ORC3: variants seen among roughly 807,000 people sequenced by gnomAD.
ORC3 encodes the protein origin recognition complex subunit 3, also known as homolog of latheo, Drosophila.
ORC3 carries 78 observed loss-of-function variants against 100.7 expected under a neutral mutation model. That is an observed-to-expected ratio of 0.77 (90% CI 0.65 to 0.94). The LOEUF is 0.94. Among genes scored for constraint, ORC3 ranks in the 40% least tolerant of loss-of-function variants. The probability of loss-of-function intolerance (pLI) is 0.00; values close to 1 mark genes in which losing one functional copy is unlikely to be tolerated. For synonymous variants in ORC3, 295 were observed against 289.3 expected, an observed-to-expected ratio of 1.02 and a Z score of -0.20; for missense variants, 789 against 823.9, an observed-to-expected ratio of 0.96 and a Z score of 0.52.
At chr6:87,656,107 C>T (rs1045492835) in intron 14 of ORC3, among the ~76,000 whole-genome samples, 1 of 152,168 alleles carries the variant, frequency 6.6e-6, no homozygotes, top group African/African-American at 2.4e-5. Context: ...TACATTTAAG[C>T]AGTTATGGTT....
At chr6:87,662,095 T>G (rs1435794942) in intron 16 of ORC3, among the ~76,000 whole-genome samples, 2 of 152,194 alleles carry the variant, frequency 1.3e-5, no homozygotes, top group African/African-American at 4.8e-5. Flanking sequence ...ATTTAGTCTT[T>G]TCTGCCTTCT....
At chr6:87,649,987 A>C (rs1220547338) in intron 13 of ORC3, among the ~76,000 whole-genome samples, 1 of 150,324 alleles carries the variant, frequency 6.7e-6, no homozygotes, top group Non-Finnish European at 1.5e-5. Flanking sequence ...TTAATATAAG[A>C]TATTGATTAC....
At chr6:87,671,504 G>A (rs1426029059), downstream of ORC3, among the ~76,000 whole-genome samples, 1 of 151,900 alleles carries the variant, frequency 6.6e-6, no homozygotes, top group Non-Finnish European at 1.5e-5. Context: ...ACATGAAGAC[G>A]TTAATATAAT....
intron 8 of ORC3, among the ~76,000 whole-genome samples, chr6:87,614,345 G>A (rs1380311678): frequency 1.3e-5 from 2 of 152,154 alleles, no homozygotes; most frequent in Non-Finnish European, 2.9e-5. Flanking sequence ...CCGTGAAATC[G>A]CTTTTGCCTC....
chr6:87,617,992 A>G (rs1307467102), intron 9 of ORC3, among the ~76,000 whole-genome samples: 2 of 152,240 alleles, frequency 1.3e-5, no homozygotes, highest in Admixed American at 1.3e-4. Context: ...GTAGAATTAA[A>G]TGATATTAAG....
At chr6:87,645,558 A>G (rs937938734) in intron 13 of ORC3, among the ~76,000 whole-genome samples, 5 of 152,070 alleles carry the variant, frequency 3.3e-5, no homozygotes, top group Non-Finnish European at 5.9e-5. Flanking sequence ...TCATTGATAT[A>G]TATACATTTG....
chr6:87,649,473 C>T (rs547600960), intron 13 of ORC3, among the ~76,000 whole-genome samples: 4 of 152,314 alleles, frequency 2.6e-5, no homozygotes, highest in Middle Eastern at 3.4e-3. Context: ...TACGGCCAGG[C>T]GCCATGGCTC....
chr6:87,661,928 C>T (rs1336217606), intron 16 of ORC3, among the ~76,000 whole-genome samples: 1 of 152,216 alleles, frequency 6.6e-6, no homozygotes, highest in East Asian at 1.9e-4. Flanking sequence ...GCTCATTATA[C>T]ATGCAAAGCA....
intron 2 of ORC3, chr6:87,595,554 C>T (rs1036638754): frequency 1.3e-5 from 2 of 152,188 alleles, no homozygotes; most frequent in African/African-American, 4.8e-5. Flanking sequence ...ACAATGGCTA[C>T]ATATTTCCAA....
At chr6:87,614,631 A>G (rs1583044302) in intron 8 of ORC3, among the ~76,000 whole-genome samples, 1 of 152,260 alleles carries the variant, frequency 6.6e-6, no homozygotes, top group South Asian at 2.1e-4. Context: ...CTGCTTAGAA[A>G]TTTGTTCCTC....
chr6:87,666,441 T>TTTC (rs1562390247), intron 19 of ORC3, among the ~76,000 whole-genome samples: 1 of 148,582 alleles, frequency 6.7e-6, no homozygotes, highest in Non-Finnish European at 1.5e-5. Context: ...AATTCTTTTT[T>TTTC]TTTTTTTTTT....
chr6:87,608,448 G>A (rs1346888575), intron 6 of ORC3, among the ~76,000 whole-genome samples: 1 of 152,104 alleles, frequency 6.6e-6, no homozygotes, highest in Non-Finnish European at 1.5e-5. Flanking sequence ...TAGCCAGACA[G>A]TATGGGAAAA....
Position 87,656,977 on chromosome 6 carries a change from CAGA to C in ORC3, c.1591_1593del (p.Lys531del), listed in dbSNP as rs1769759840. The C allele has an allele frequency of 6.2e-7, 1 of 1,603,798 alleles. No homozygotes were observed. The highest frequency in any genetic ancestry group is 8.5e-7 in the Non-Finnish European group (1 of 1,170,584). On this transcript the variant is annotated inframe_deletion and splice_region_variant, in exon 15 of 20. Transcript: ENST00000392844. ...TCAGAAGACAGACCTCTATCATCTT[CAGA>C]AGGTCAGGTCACTCTCTTCCCTTCC...
intron 2 of ORC3, among the ~76,000 whole-genome samples, chr6:87,599,165 C>CTG (rs1777688566): frequency 3.3e-5 from 5 of 152,240 alleles, no homozygotes; most frequent in Admixed American, 3.3e-4. Context: ...TTTAAAGTAT[C>CTG]CTACTGCTGT....
chr6:87,597,062 A>C (rs1176826927), intron 2 of ORC3, among the ~76,000 whole-genome samples: 1 of 152,136 alleles, frequency 6.6e-6, no homozygotes, highest in Non-Finnish European at 1.5e-5. Context: ...CCTTATCCCA[A>C]ATCTTGGGAC....
At chr6:87,613,968 G>T (rs1042156829) in intron 8 of ORC3, among the ~76,000 whole-genome samples, 4 of 152,202 alleles carry the variant, frequency 2.6e-5, no homozygotes, top group African/African-American at 9.6e-5. Context: ...GAGGATGGTA[G>T]CCCTTTTCTC....
At chr6:87,620,106 G>T (rs1310639085) in intron 9 of ORC3, among the ~76,000 whole-genome samples, 1 of 152,146 alleles carries the variant, frequency 6.6e-6, no homozygotes, top group Non-Finnish European at 1.5e-5. Context: ...GAACAAAATA[G>T]TTAAGTGATA....
At chr6:87,619,884 C>T (rs1394319442) in intron 9 of ORC3, among the ~76,000 whole-genome samples, 1 of 151,766 alleles carries the variant, frequency 6.6e-6, no homozygotes, top group Non-Finnish European at 1.5e-5. Context: ...CTACTTGAGA[C>T]AGAGTCTCAC....
chr6:87,611,640 G>A (rs1300484587), intron 7 of ORC3, among the ~76,000 whole-genome samples: 1 of 152,030 alleles, frequency 6.6e-6, no homozygotes, highest in Non-Finnish European at 1.5e-5. Context: ...TAAAAAATTA[G>A]GCATGGTGGC....
Sources: allele counts gnomAD v4.1 joint callset (sites outside exome capture counted in the v4.1 genomes callset), GRCh38; gene constraint gnomAD v4.1.1; transcripts MANE v1.5; gene names NCBI Gene and HGNC (gene_info 2026-07-23, HGNC 2026-07-21).